ABLIM2: variants seen among roughly 807,000 people sequenced by gnomAD.
ABLIM2 encodes the protein actin binding LIM protein family member 2.
In ABLIM2, 53 loss-of-function variants were observed where a neutral mutation model predicts 97.7. The observed-to-expected ratio is 0.54, with a 90% CI of 0.44 to 0.68. ABLIM2 has a LOEUF of 0.68. Among genes scored for constraint, ABLIM2 ranks in the 30% least tolerant of loss-of-function variants. ABLIM2 has a pLI of 0.00. For synonymous variants in ABLIM2, 361 were observed against 345.8 expected, an observed-to-expected ratio of 1.04 and a Z score of -0.49; for missense variants, 835 against 867.2, an observed-to-expected ratio of 0.96 and a Z score of 0.47.
chr4:8,028,444 T>C (rs1477769552), intron 11 of ABLIM2, among the ~76,000 whole-genome samples: 1 of 150,978 alleles, frequency 6.6e-6, no homozygotes, highest in Middle Eastern at 3.3e-3. Flanking sequence ...TTCACTCACT[T>C]ACTTGCTCAC....
chr4:7,998,059 T>C lies in ABLIM2; in HGVS notation c.1619-5132A>G, dbSNP rs1186031483. 5.9e-5 allele frequency among the ~76,000 whole-genome samples: 9 copies of C among 152,100 alleles called. No individual in the cohort carries two copies. Among genetic ancestry groups the C allele is most frequent in the Non-Finnish European group, 1.3e-4 (9 of 68,020 alleles). ...ACCATGCCCGGCTGATTTTGTATTT[T>C]TAGTAGAGACGGGGTTTCTCCATGT... On this transcript the variant is annotated intron_variant, in intron 16 of 20. Coordinates refer to ENST00000447017, the MANE Select transcript of ABLIM2 (RefSeq NM_001130083.2). The surrounding 1 kb of genome is among the most constrained non-coding windows in gnomAD (Gnocchi z 6.4).
intron 1 of ABLIM2, among the ~76,000 whole-genome samples, chr4:8,151,771 G>A (rs1712887949): frequency 6.6e-6 from 1 of 151,546 alleles, no homozygotes; most frequent in South Asian, 2.1e-4. Flanking sequence ...GGCTGGAGAC[G>A]CTGCTGGGCT....
At chr4:8,139,694 G>C (rs566708806) in intron 1 of ABLIM2, among the ~76,000 whole-genome samples, 5 of 152,326 alleles carry the variant, frequency 3.3e-5, no homozygotes, top group Admixed American at 3.3e-4. Context: ...ATAGTGTGCT[G>C]ATTCTTCAAA....
chr4:8,051,174 G>A (rs1380260918), intron 8 of ABLIM2, among the ~76,000 whole-genome samples: 2 of 152,232 alleles, frequency 1.3e-5, no homozygotes, highest in African/African-American at 2.4e-5. Context: ...CCCCCACCCC[G>A]CCCTTGCGGG....
At chr4:8,157,486 G>A (rs566914191) in intron 1 of ABLIM2, among the ~76,000 whole-genome samples, 1 of 152,328 alleles carries the variant, frequency 6.6e-6, no homozygotes, top group South Asian at 2.1e-4. Context: ...ATTGCTCTCA[G>A]CTACTCCCAA....
chr4:8,145,110 T>G (rs1269157800), intron 1 of ABLIM2, among the ~76,000 whole-genome samples: 1 of 152,148 alleles, frequency 6.6e-6, no homozygotes, highest in African/African-American at 2.4e-5. Context: ...CACAGGGCTT[T>G]GTGGTGTCGG....
At chr4:8,000,848 A>G (rs899813473) in intron 16 of ABLIM2, among the ~76,000 whole-genome samples, 2 of 152,132 alleles carry the variant, frequency 1.3e-5, no homozygotes, top group African/African-American at 4.8e-5. Context: ...CAGATCTGTG[A>G]TCCAGGGCCC....
chr4:8,062,417 C>G (rs926091933), intron 6 of ABLIM2, among the ~76,000 whole-genome samples: 1 of 152,024 alleles, frequency 6.6e-6, no homozygotes, highest in East Asian at 1.9e-4. Context: ...TATTCAAATG[C>G]CCAGTGGTCT....
intron 14 of ABLIM2, among the ~76,000 whole-genome samples, chr4:8,012,388 C>A (rs182011499): frequency 1.9e-4 from 29 of 151,072 alleles, no homozygotes; most frequent in Non-Finnish European, 3.2e-4. Flanking sequence ...CCCATCCACC[C>A]ACCTATACAT....
intron 1 of ABLIM2, among the ~76,000 whole-genome samples, chr4:8,142,113 G>A (rs1443053662): frequency 2.0e-5 from 3 of 152,232 alleles, no homozygotes; most frequent in Admixed American, 1.3e-4. Context: ...TGGCACCATG[G>A]GAGATAGAGG....
At chr4:7,981,005 A>G (rs1209850337) in intron 20 of ABLIM2, among the ~76,000 whole-genome samples, 3 of 128,854 alleles carry the variant, frequency 2.3e-5, no homozygotes, top group Admixed American at 2.0e-4. Flanking sequence ...GTGCTGTGGC[A>G]CGATCTCGGC....
intron 14 of ABLIM2, among the ~76,000 whole-genome samples, chr4:8,009,763 C>T (rs1763698260): frequency 6.6e-6 from 1 of 152,176 alleles, no homozygotes; most frequent in Admixed American, 6.5e-5. Flanking sequence ...GTCGTGGAGG[C>T]CTACGTGTCT....
chr4:8,012,382 T>C (rs373971649), intron 14 of ABLIM2, among the ~76,000 whole-genome samples: 1 of 148,684 alleles, frequency 6.7e-6, no homozygotes. Flanking sequence ...CATCTACCCA[T>C]CCACCCACCT....
chr4:8,091,289 A>AATATTAT lies in ABLIM2; in HGVS notation c.339-3012_339-3006dup, dbSNP rs1431757264. Among the ~76,000 whole-genome samples, 208 of 45,666 alleles carry AATATTAT rather than the reference A, an allele frequency of 4.6e-3. 25 individuals are homozygous for AATATTAT. The highest frequency in any genetic ancestry group is 0.019 in the African/African-American group (202 of 10,572). The allele number at this position is 45,666 out of a possible 152,430, so 30.0% of individuals were successfully genotyped here. Reference sequence around the variant, plus strand: ...TGTGTGTATATATATAATTATATATAATATTATATATTATATTATATATAT... The same window carrying AATATTAT: ...TGTGTGTATATATATAATTATATATAATATTATATATTATATATTATATTATATATAT... On this transcript the variant is annotated intron_variant, in intron 3 of 20. Transcript: ENST00000447017.
intron 2 of ABLIM2, among the ~76,000 whole-genome samples, chr4:8,105,876 G>A (rs764896346): frequency 6.6e-6 from 1 of 152,234 alleles, no homozygotes; most frequent in Admixed American, 6.5e-5. Flanking sequence ...GGAACAGGCT[G>A]GAGGGAGACT....
At position 8,129,266 on chromosome 4, in the gene ABLIM2, G is replaced by GTGACT. The variant is rs1201728438; in HGVS notation, c.11-22630_11-22629insAGTCA. On this transcript the variant is annotated intron_variant, in intron 1 of 20. Transcript: ENST00000447017. ...AGGAATAAAAAGCAGAAATACGTAT[G>GTGACT]CCCCGCCCCCTCTGTGACTCACTCA... 2.6e-5 allele frequency among the ~76,000 whole-genome samples: 4 copies of GTGACT among 152,142 alleles called. No individual in the cohort carries two copies. In the East Asian group the frequency reaches 7.7e-4, roughly 29 times the overall value.
At chr4:8,036,819 G>A (rs1325844610) in intron 9 of ABLIM2, among the ~76,000 whole-genome samples, 13 of 152,098 alleles carry the variant, frequency 8.5e-5, no homozygotes, top group African/African-American at 2.7e-4. Context: ...GCACGCACAC[G>A]TACAAACACA....
At chr4:8,154,765 G>A (rs989605350) in intron 1 of ABLIM2, among the ~76,000 whole-genome samples, 7 of 152,298 alleles carry the variant, frequency 4.6e-5, no homozygotes, top group South Asian at 2.1e-4. Flanking sequence ...CTGGAGCAGC[G>A]TGGGCTCACG....
At chr4:8,109,055 C>T (rs1878519) in intron 1 of ABLIM2, among the ~76,000 whole-genome samples, 63,221 of 152,142 alleles carry the variant, frequency 0.42, 13,318 homozygotes, top group South Asian at 0.52. Context: ...CAGGAAACCC[C>T]GCGTAGCATG....
Sources: allele counts gnomAD v4.1 joint callset (sites outside exome capture counted in the v4.1 genomes callset), GRCh38; gene constraint gnomAD v4.1.1; non-coding constraint Gnocchi (gnomAD v3.1); transcripts MANE v1.5; gene names NCBI Gene and HGNC (gene_info 2026-07-23, HGNC 2026-07-21).